OLA1: variants seen among roughly 807,000 people sequenced by gnomAD.
OLA1 encodes Obg like ATPase 1, also known as obg-like ATPase 1.
In OLA1, 14 loss-of-function variants were observed where a neutral mutation model predicts 48.4. The ratio of observed to expected loss-of-function variants is 0.29; its 90% confidence interval spans 0.19 to 0.45. OLA1 has a LOEUF of 0.45. OLA1 is among the 20% of genes least tolerant of loss of function. The pLI is 1.00. For missense variants in OLA1, 325 were observed against 467.1 expected (o/e 0.70, Z 2.80); for synonymous variants, 127 against 150.4 (o/e 0.84, Z 1.14).
intron 4 of OLA1, among the ~76,000 whole-genome samples, chr2:174,165,982 G>A (rs1396015361): frequency 2.0e-5 from 3 of 151,956 alleles, no homozygotes; most frequent in Admixed American, 6.6e-5. Context: ...AAAAGTAGCC[G>A]GACATGGTGG....
intron 7 of OLA1, among the ~76,000 whole-genome samples, chr2:174,110,891 C>T (rs955002237): frequency 5.9e-5 from 9 of 152,076 alleles, no homozygotes; most frequent in African/African-American, 1.4e-4. Context: ...CTAATTGCAA[C>T]GTTTTATATA....
intron 2 of OLA1, among the ~76,000 whole-genome samples, chr2:174,230,858 A>C (rs1688713242): frequency 6.6e-6 from 1 of 152,226 alleles, no homozygotes; most frequent in South Asian, 2.1e-4. Flanking sequence ...TACAGAAGGC[A>C]TCTGTTTGAA....
At chr2:174,208,215 A>G (rs376087379) in intron 4 of OLA1, among the ~76,000 whole-genome samples, 23 of 152,200 alleles carry the variant, frequency 1.5e-4, no homozygotes, top group Non-Finnish European at 2.1e-4. Context: ...TAGCCATTCA[A>G]ATTAATGGGT....
intron 4 of OLA1, among the ~76,000 whole-genome samples, chr2:174,168,753 A>ATATC (rs71021675): frequency 0.022 from 3,240 of 146,058 alleles, 42 homozygotes; most frequent in Non-Finnish European, 0.025. Flanking sequence ...CACAATATGT[A>ATATC]TATCTATCTA....
At chr2:174,091,837 A>T (rs1238151598) in intron 7 of OLA1, among the ~76,000 whole-genome samples, 1 of 122,062 alleles carries the variant, frequency 8.2e-6, no homozygotes, top group African/African-American at 3.1e-5. Context: ...ATGCTACTGC[A>T]CTCCAGCCTG....
intron 2 of OLA1, among the ~76,000 whole-genome samples, chr2:174,238,611 C>T (rs1688918754): frequency 6.6e-6 from 1 of 152,010 alleles, no homozygotes; most frequent in East Asian, 1.9e-4. Flanking sequence ...CCCACATACA[C>T]CACCTGTGCG....
intron 7 of OLA1, among the ~76,000 whole-genome samples, chr2:174,093,791 T>C (rs16862352): frequency 0.11 from 17,367 of 152,240 alleles, 2,228 homozygotes; most frequent in East Asian, 0.71. Flanking sequence ...TGTTCCTATA[T>C]ACAAGATAAA....
At chr2:174,211,275 G>A (rs1039089201) in intron 4 of OLA1, among the ~76,000 whole-genome samples, 5 of 151,948 alleles carry the variant, frequency 3.3e-5, no homozygotes, top group Non-Finnish European at 1.5e-5. Flanking sequence ...GTAGAACAGA[G>A]TGTACAAACA....
intron 4 of OLA1, among the ~76,000 whole-genome samples, chr2:174,152,778 A>G (rs1027779040): frequency 3.3e-5 from 5 of 152,246 alleles, no homozygotes; most frequent in African/African-American, 1.2e-4. Context: ...ATTTACAATA[A>G]GATATCAATC....
At position 174,139,738 on chromosome 2, in the gene OLA1, A is replaced by G. The variant is rs187098970; in HGVS notation, c.549+2087T>C. Among the ~76,000 whole-genome samples, 10 of 151,896 alleles carry G rather than the reference A, an allele frequency of 6.6e-5. 1 individual carries two copies. The South Asian group carries it at 1.0e-3, about 16-fold the overall frequency. ...AAATTAGCCGGGTGTGGTGGCATGC[A>G]CCTGTAGTCCCAGCCACTCAGGAGG... On this transcript the variant is annotated intron_variant, in intron 5 of 10. Coordinates refer to ENST00000284719, the MANE Select transcript of OLA1 (RefSeq NM_013341.5).
intron 2 of OLA1, among the ~76,000 whole-genome samples, chr2:174,241,354 C>T (rs1332998928): frequency 6.6e-6 from 1 of 152,244 alleles, no homozygotes; most frequent in Non-Finnish European, 1.5e-5. Flanking sequence ...GTTTGCTACA[C>T]ATCAACAGAT....
At chr2:174,210,364 T>C (rs1688214574) in intron 4 of OLA1, among the ~76,000 whole-genome samples, 1 of 152,196 alleles carries the variant, frequency 6.6e-6, no homozygotes, top group Non-Finnish European at 1.5e-5. Context: ...CCTTAATTAT[T>C]TCCTATTTTG....
intron 7 of OLA1, among the ~76,000 whole-genome samples, chr2:174,086,455 G>C (rs1416846384): frequency 1.3e-5 from 2 of 152,008 alleles, no homozygotes; most frequent in Admixed American, 1.3e-4. Flanking sequence ...CTAAACCCTC[G>C]GACAGTACCA....
intron 4 of OLA1, among the ~76,000 whole-genome samples, chr2:174,211,595 A>G (rs1688245211): frequency 6.6e-6 from 1 of 152,218 alleles, no homozygotes; most frequent in African/African-American, 2.4e-5. Context: ...AGAATAATAC[A>G]TATTCGCTTT....
At chr2:174,078,612 G>C (rs979869935) in intron 10 of OLA1, among the ~76,000 whole-genome samples, 3 of 151,810 alleles carry the variant, frequency 2.0e-5, no homozygotes, top group African/African-American at 7.2e-5. Flanking sequence ...GTAATTATAA[G>C]CATATATATT....
chr2:174,205,533 C>G (rs1688092511), intron 4 of OLA1, among the ~76,000 whole-genome samples: 1 of 152,198 alleles, frequency 6.6e-6, no homozygotes. Context: ...CTTTTCACCT[C>G]AGGAACTAGG....
intron 4 of OLA1, among the ~76,000 whole-genome samples, chr2:174,219,275 C>CT (rs1334081932): frequency 3.5e-5 from 5 of 142,428 alleles, no homozygotes; most frequent in African/African-American, 1.3e-4. Context: ...GACCCTGACT[C>CT]TTTAAAAAAA....
intron 7 of OLA1, among the ~76,000 whole-genome samples, chr2:174,115,889 T>C (rs1685769981): frequency 6.6e-6 from 1 of 152,226 alleles, no homozygotes; most frequent in South Asian, 2.1e-4. Context: ...GTTTGTTGGA[T>C]GTCTATTACT....
chr2:174,159,104 T>G (rs891409208), intron 4 of OLA1, among the ~76,000 whole-genome samples: 1 of 152,156 alleles, frequency 6.6e-6, no homozygotes, highest in Admixed American at 6.6e-5. Context: ...CTGTTTTGGC[T>G]TTTTCTTTTT....
Sources: gnomAD v4.1 joint callset for allele counts (sites outside exome capture counted in the v4.1 genomes callset) on GRCh38, gnomAD v4.1.1 for gene constraint, MANE v1.5 for transcripts, NCBI Gene and HGNC (gene_info 2026-07-23, HGNC 2026-07-21) for gene names.